KIAA1549: variants seen among roughly 807,000 people sequenced by gnomAD.
The protein encoded by KIAA1549 is KIAA1549.
In KIAA1549, 70 loss-of-function variants were observed where a neutral mutation model predicts 156.4. The observed-to-expected ratio is 0.45, with a 90% CI of 0.37 to 0.55. KIAA1549 has a LOEUF of 0.55. Ranked by LOEUF, KIAA1549 falls within the 20% of genes least tolerant of loss-of-function variation. The pLI is 0.00. For synonymous variants in KIAA1549, 1,103 were observed against 1,066.4 expected (o/e 1.03, Z -0.67); for missense variants, 2,428 against 2,540.9 (o/e 0.96, Z 0.96).
Position 138,869,524 on chromosome 7 carries a change from G to C in KIAA1549, c.4775+14C>G, listed in dbSNP as rs1563056128. ...CGCGCCCGCCCCACCGCCTAGCGCA[G>C]AGCCCCAGCCCACCTCTTCCTGGGC... On this transcript the variant is annotated intron_variant, in intron 14 of 19. Transcript: ENST00000422774. 3 of 1,550,566 alleles carry C rather than the reference G, an allele frequency of 1.9e-6. No individual in the cohort carries two copies. Among genetic ancestry groups the C allele is most frequent in the Non-Finnish European group, 2.6e-6 (3 of 1,147,142 alleles).
chr7:138,967,868 C>T (rs1814078845), intron 1 of KIAA1549, among the ~76,000 whole-genome samples: 1 of 152,202 alleles, frequency 6.6e-6, no homozygotes, highest in Non-Finnish European at 1.5e-5. Flanking sequence ...CAGATCTGGC[C>T]TGTGCTGGCC....
rs1415873859 is a variant in KIAA1549 at position 138,832,087 on chromosome 7, G to A, written c.*5819C>T. 3 of 224,582 alleles carry A rather than the reference G, an allele frequency of 1.3e-5. No individual in the cohort carries two copies. Among genetic ancestry groups the A allele is most frequent in the African/African-American group, 2.2e-5 (1 of 44,612 alleles). The allele number at this position is 224,582 out of a possible 1,614,324, so 13.9% of individuals were successfully genotyped here. A position where few individuals can be genotyped will look rare whatever the true frequency, so the allele number is the denominator to read the frequency against. Reference sequence around the variant, plus strand: ...CTTGAAATCTGGTAAGTACAGGAAAGACTATTCGTGATGCTCCAAGTAGCC... The same window carrying A: ...CTTGAAATCTGGTAAGTACAGGAAAAACTATTCGTGATGCTCCAAGTAGCC... On this transcript the variant is annotated 3_prime_UTR_variant, in exon 20 of 20. Coordinates refer to ENST00000422774, the MANE Select transcript of KIAA1549 (RefSeq NM_001164665.2).
chr7:138,903,288 G>A (rs989755564), intron 8 of KIAA1549, among the ~76,000 whole-genome samples: 1 of 152,104 alleles, frequency 6.6e-6, no homozygotes, highest in Admixed American at 6.5e-5. Context: ...ACTACTATTT[G>A]ATAAATGAGG....
At chr7:138,959,063 T>C (rs1813759116) in intron 1 of KIAA1549, among the ~76,000 whole-genome samples, 1 of 151,892 alleles carries the variant, frequency 6.6e-6, no homozygotes, top group Admixed American at 6.6e-5. Flanking sequence ...CCACACCTGG[T>C]TGATTTTTAT....
chr7:138,860,362 G>A (rs974721123), intron 16 of KIAA1549, among the ~76,000 whole-genome samples: 5 of 152,146 alleles, frequency 3.3e-5, no homozygotes, highest in Non-Finnish European at 7.4e-5. Flanking sequence ...AGATAAAAAA[G>A]TATTTTACCA....
At position 138,919,361 on chromosome 7, in the gene KIAA1549, C is replaced by A. The variant is rs766634159; in HGVS notation, c.265G>T (p.Ala89Ser). 2 of 1,613,992 alleles carry A rather than the reference C, an allele frequency of 1.2e-6. No individual in the cohort carries two copies. Among genetic ancestry groups the A allele is most frequent in the South Asian group, 2.2e-5 (2 of 91,084 alleles). The change falls in exon 2 of 20, where the codon GCT becomes TCT. Residue 89 changes from alanine (A) to serine (S), a missense_variant. Physicochemically the swap from Ala to Ser is moderately conservative, Grantham distance 99. This residue lies in a region of KIAA1549 where 893 missense variants were observed against 847.9 expected (regional missense o/e 1.05). Coordinates refer to ENST00000422774, the MANE Select transcript of KIAA1549 (RefSeq NM_001164665.2). ...GTTTCTGTTAAGGCCACTTGTGCAG[C>A]GCTGTGCCCAGTGCTTTTCTTCAGC... ...LVLKKSTGHSAAQVALTETAP... is the reference protein window; with the variant it reads ...LVLKKSTGHSSAQVALTETAP...
chr7:138,892,314 G>A (rs1811567697), intron 10 of KIAA1549, among the ~76,000 whole-genome samples: 1 of 152,188 alleles, frequency 6.6e-6, no homozygotes, highest in Non-Finnish European at 1.5e-5. Flanking sequence ...TGAAGTTACA[G>A]ATAATAGATG....
intron 5 of KIAA1549, among the ~76,000 whole-genome samples, chr7:138,907,911 T>C (rs1330378002): frequency 1.3e-5 from 2 of 151,794 alleles, no homozygotes; most frequent in Non-Finnish European, 2.9e-5. Flanking sequence ...AAGTGCCCCA[T>C]CCCCTAGGAA....
rs374914142 is a variant in KIAA1549 at position 138,916,798 on chromosome 7, G to A, written c.2828C>T (p.Pro943Leu). The change falls in exon 2 of 20, where the codon CCG becomes CTG. Residue 943 changes from proline (P) to leucine (L), a missense_variant. Physicochemically the swap from Pro to Leu is moderately conservative, Grantham distance 98. Around this residue, in one of 5 missense-constraint regions of KIAA1549, gnomAD observed 762 missense variants for 901.6 expected, o/e 0.85. Coordinates refer to ENST00000422774, the MANE Select transcript of KIAA1549 (RefSeq NM_001164665.2). Reference protein sequence around the residue: ...VDTPTLATAKPPYVCDITVPD... With the variant: ...VDTPTLATAKLPYVCDITVPD... ...GACTGTGATATCACAAACATATGGC[G>A]GCTTGGCAGTAGCCAGTGTTGGTGT... 4.1e-5 allele frequency: 66 copies of A among 1,613,814 alleles called. No homozygotes were observed. The highest frequency in any genetic ancestry group is 5.3e-5 in the African/African-American group (4 of 74,920).
At chr7:138,931,211 A>T (rs544110760) in intron 1 of KIAA1549, among the ~76,000 whole-genome samples, 1 of 152,350 alleles carries the variant, frequency 6.6e-6, no homozygotes, top group East Asian at 1.9e-4. Context: ...AACAGATATA[A>T]TAATAATGAA....
chr7:138,844,258 A>T, intron 18 of KIAA1549, 59 bp downstream of exon 18: 1 of 1,597,968 alleles, frequency 6.3e-7, no homozygotes. Context: ...CCTAAAATAA[A>T]GTTTCTTTCA....
At chr7:138,879,340 G>A (rs1811175256) in intron 12 of KIAA1549, among the ~76,000 whole-genome samples, 198 bp downstream of exon 12, 1 of 152,182 alleles carries the variant, frequency 6.6e-6, no homozygotes, top group South Asian at 2.1e-4. Context: ...ACGTACCCCA[G>A]TGAATCCCTG....
chr7:138,874,896 G>A (rs187404379), intron 12 of KIAA1549, among the ~76,000 whole-genome samples: 1 of 152,248 alleles, frequency 6.6e-6, no homozygotes, highest in Admixed American at 6.5e-5. Flanking sequence ...TCGGGAGGCT[G>A]AGAAGAGATG....
intron 1 of KIAA1549, among the ~76,000 whole-genome samples, chr7:138,943,051 G>C (rs1813230600): frequency 6.6e-6 from 1 of 152,230 alleles, no homozygotes; most frequent in South Asian, 2.1e-4. Context: ...AGCAACCAAT[G>C]TGTGCCCCTG....
chr7:138,912,832 T>A (rs559456964), intron 2 of KIAA1549, among the ~76,000 whole-genome samples: 3 of 152,272 alleles, frequency 2.0e-5, no homozygotes, highest in African/African-American at 2.4e-5. Context: ...CTCGGCTATG[T>A]CCCTGACAAC....
intron 1 of KIAA1549, among the ~76,000 whole-genome samples, chr7:138,921,493 G>A (rs890476528): frequency 3.9e-5 from 6 of 152,222 alleles, no homozygotes; most frequent in African/African-American, 1.4e-4. Flanking sequence ...AACAGGGTCA[G>A]TGTAGATGTA....
chr7:138,948,412 C>G (rs2774967), intron 1 of KIAA1549, among the ~76,000 whole-genome samples: 76,555 of 151,860 alleles, frequency 0.5, 23,438 homozygotes, highest in African/African-American at 0.88. Context: ...CAGACAAACA[C>G]AAGAGGCAGG....
chr7:138,833,779 A>C lies in KIAA1549; in HGVS notation c.*4127T>G. 4.3e-6 allele frequency: 1 copy of C among 233,114 alleles called. No individual in the cohort carries two copies. The highest frequency in any genetic ancestry group is 8.5e-6 in the Non-Finnish European group (1 of 117,982). The allele number at this position is 233,114 out of a possible 1,614,324, so 14.4% of individuals were successfully genotyped here. ...AAACAATGACCTCAGTGTCATTCTC[A>C]TCATTTTCGTCCTCTTCCCTTGCCT... On this transcript the variant is annotated 3_prime_UTR_variant, in exon 20 of 20. Coordinates refer to ENST00000422774, the MANE Select transcript of KIAA1549 (RefSeq NM_001164665.2).
In KIAA1549 at chr7:138,869,672, G is replaced by C. The variant is rs758333123; in HGVS notation, c.4641C>G (p.Phe1547Leu). The C allele has an allele frequency of 5.0e-6, 8 of 1,612,234 alleles. No individual in the cohort carries two copies. The highest frequency in any genetic ancestry group is 6.8e-6 in the Non-Finnish European group (8 of 1,179,856). The change falls in exon 14 of 20, where the codon TTC becomes TTG. Residue 1547 changes from phenylalanine to leucine, a missense_variant. Phe to Leu is a conservative substitution (Grantham distance 22). Transcript: ENST00000422774. Reference sequence around the variant, plus strand: ...CCGAGGACAGGTCGTCTACCACCGGGAACTCGTAGTGCCCGCGGCGCTTGG... The same window carrying C: ...CCGAGGACAGGTCGTCTACCACCGGCAACTCGTAGTGCCCGCGGCGCTTGG... Reference protein sequence around the residue: ...LRAKRRGHYEFPVVDDLSSGD... With the variant: ...LRAKRRGHYELPVVDDLSSGD...
Sources: gnomAD v4.1 joint callset for allele counts (sites outside exome capture counted in the v4.1 genomes callset) on GRCh38, gnomAD v4.1.1 for gene constraint, gnomAD v4.1.1 regional missense constraint, MANE v1.5 for transcripts, NCBI Gene and HGNC (gene_info 2026-07-23, HGNC 2026-07-21) for gene names.